The following RDX variants were observed in gnomAD, a reference collection of about 807,000 sequenced individuals.
The protein encoded by RDX is deafness, autosomal recessive 24.
RDX carries 32 observed loss-of-function variants against 83.7 expected under a neutral mutation model. The ratio of observed to expected loss-of-function variants is 0.38; its 90% CI spans 0.29 to 0.51. The LOEUF is 0.51. Among genes scored for constraint, RDX ranks in the 20% least tolerant of loss-of-function variants. The pLI, the probability that RDX is intolerant of heterozygous loss-of-function variation, is 0.87. For missense variants in RDX, 600 were observed against 689.9 expected, an observed-to-expected ratio of 0.87 and a Z score of 1.46; for synonymous variants, 229 against 222.7, an observed-to-expected ratio of 1.03 and a Z score of -0.25.
chr11:110,226,262 ATGG>A (rs1161811986), downstream of RDX, among the ~76,000 whole-genome samples: 2 of 152,204 alleles, frequency 1.3e-5, no homozygotes, highest in Non-Finnish European at 2.9e-5. Context: ...TGGATAAAAT[ATGG>A]TATATGCATA....
At chr11:110,245,409 G>A (rs944870531) in intron 10 of RDX, among the ~76,000 whole-genome samples, 1 of 152,184 alleles carries the variant, frequency 6.6e-6, no homozygotes, top group Non-Finnish European at 1.5e-5. Context: ...ACTCCAGCCT[G>A]TGCAACAGAG....
intron 12 of RDX, among the ~76,000 whole-genome samples, chr11:110,235,090 C>T (rs138982879): frequency 6.6e-4 from 101 of 152,214 alleles, no homozygotes; most frequent in African/African-American, 2.2e-3. Flanking sequence ...CAGTGGCTTA[C>T]ACCTACAATC....
intron 14 of RDX, among the ~76,000 whole-genome samples, chr11:110,223,933 G>A (rs1864342697): frequency 1.3e-5 from 2 of 152,046 alleles, no homozygotes; most frequent in Non-Finnish European, 2.9e-5. Flanking sequence ...AGCCAGGCAT[G>A]AGAATTGCTT....
chr11:110,204,795 G>A (rs1294843685), intron 14 of RDX, among the ~76,000 whole-genome samples: 2 of 152,094 alleles, frequency 1.3e-5, no homozygotes, highest in Non-Finnish European at 2.9e-5. Context: ...GATTACAGGC[G>A]TGAGCTACCG....
chr11:110,212,020 C>A (rs1262784393), intron 14 of RDX, among the ~76,000 whole-genome samples: 1 of 140,612 alleles, frequency 7.1e-6, no homozygotes, highest in Non-Finnish European at 1.5e-5. Context: ...CACAAAAAAC[C>A]CTTCAAAAAA....
chr11:110,211,940 C>A (rs2134257631), intron 14 of RDX, among the ~76,000 whole-genome samples: 1 of 144,098 alleles, frequency 6.9e-6, no homozygotes, highest in Admixed American at 7.0e-5. Context: ...AAAGCAAGAG[C>A]AAACACATTC....
At chr11:110,258,075 A>G (rs769507937) in intron 6 of RDX, 31 bp downstream of exon 6, 3 of 1,541,904 alleles carry the variant, frequency 1.9e-6, no homozygotes, top group Non-Finnish European at 2.7e-6. Context: ...TGAAGGAAAA[A>G]AGAAAACATA....
At chr11:110,228,949 A>C (rs1864521501), downstream of RDX, among the ~76,000 whole-genome samples, 1 of 151,964 alleles carries the variant, frequency 6.6e-6, no homozygotes, top group Non-Finnish European at 1.5e-5. Context: ...AGCTTTTACT[A>C]TTTTTATAGA....
chr11:110,233,807 T>C (rs1864735936), intron 12 of RDX, among the ~76,000 whole-genome samples: 2 of 152,194 alleles, frequency 1.3e-5, no homozygotes, highest in South Asian at 4.1e-4. Flanking sequence ...TGATGAGAAA[T>C]AGATATTCAT....
intron 14 of RDX, among the ~76,000 whole-genome samples, chr11:110,215,428 T>C (rs886544429): frequency 4.4e-4 from 66 of 151,640 alleles, no homozygotes; most frequent in Non-Finnish European, 8.7e-4. Context: ...AATAATGCTT[T>C]CCCTCCCCTA....
chr11:110,254,418 T>C (rs2134355507), intron 8 of RDX, among the ~76,000 whole-genome samples: 1 of 152,322 alleles, frequency 6.6e-6, no homozygotes, highest in Middle Eastern at 3.4e-3. Flanking sequence ...ATACACCATT[T>C]GCCATTAATG....
In RDX at chr11:110,253,945, C is replaced by T; in HGVS notation, c.959+1G>A. 6.2e-7 allele frequency: 1 copy of T among 1,613,310 alleles called. No homozygotes were observed. The highest frequency in any genetic ancestry group is 8.5e-7 in the Non-Finnish European group (1 of 1,179,638). ...AAAGTGAAAGGTCATAAACCCCATA[C>T]CTTTCCAACTGCTTCTGATGTTTCT... On this transcript the variant is annotated splice_donor_variant, in intron 9 of 13. Coordinates refer to ENST00000645495, the MANE Select transcript of RDX (RefSeq NM_002906.4). LOFTEE classifies it high-confidence loss of function.
chr11:110,179,764 T>G, intron 15 of RDX: 1 of 314,078 alleles, frequency 3.2e-6, no homozygotes, highest in Non-Finnish European at 6.3e-6. Flanking sequence ...AGAGCAAGAT[T>G]CTGTCTAAAA....
chr11:110,205,986 TG>T lies in RDX; in HGVS notation c.1749-6309del, dbSNP rs1186011506. ...GTAACAATCCTATAGCCAGACGCAG[TG>T]GCTCATGCCTGTAATCCCAGCACTT... On this transcript the variant is annotated intron_variant, in intron 14 of 15. Transcript: ENST00000528498. 2.0e-4 allele frequency among the ~76,000 whole-genome samples: 31 copies of T among 152,330 alleles called. 1 individual carries two copies. The South Asian group carries it at 5.0e-3, about 24-fold the overall frequency.
chr11:110,228,458 C>A (rs1864502914), downstream of RDX, among the ~76,000 whole-genome samples: 6 of 152,032 alleles, frequency 3.9e-5, no homozygotes. Flanking sequence ...TACAGCTCCA[C>A]ACTGAACTGT....
chr11:110,208,810 C>T (rs1231272583), intron 14 of RDX, among the ~76,000 whole-genome samples: 2 of 152,016 alleles, frequency 1.3e-5, no homozygotes, highest in Admixed American at 6.6e-5. Flanking sequence ...ACAAAAATTA[C>T]CTGGGGGTAG....
At chr11:110,225,060 G>A (rs2134283232), downstream of RDX, among the ~76,000 whole-genome samples, 1 of 152,264 alleles carries the variant, frequency 6.6e-6, no homozygotes, top group South Asian at 2.1e-4. Context: ...TCATCCTACA[G>A]TCAATGCACA....
intron 10 of RDX, among the ~76,000 whole-genome samples, chr11:110,241,074 A>AGGGG (rs771665166): frequency 7.0e-6 from 1 of 142,476 alleles, no homozygotes; most frequent in Non-Finnish European, 1.5e-5. Flanking sequence ...AAAAAAAAAA[A>AGGGG]AGGGGCGGGG....
At chr11:110,226,066 C>CA (rs56228784), downstream of RDX, among the ~76,000 whole-genome samples, 49,424 of 110,574 alleles carry the variant, frequency 0.45, 10,615 homozygotes, top group East Asian at 0.62. Flanking sequence ...AACTCCATCT[C>CA]AAAAAAAAAA....
Sources: allele counts gnomAD v4.1 joint callset (sites outside exome capture counted in the v4.1 genomes callset), GRCh38; gene constraint gnomAD v4.1.1; transcripts MANE v1.5; gene names NCBI Gene and HGNC (gene_info 2026-07-23, HGNC 2026-07-21).